Variants in SPOCK3 observed in about 807,000 individuals in gnomAD.
SPOCK3 encodes the protein SPARC (osteonectin), cwcv and kazal like domains proteoglycan 3.
In SPOCK3, 30 loss-of-function variants were observed where a neutral mutation model predicts 56.6. The ratio of observed to expected loss-of-function variants is 0.53; its 90% confidence interval spans 0.40 to 0.72. SPOCK3 has a LOEUF of 0.72. Among genes scored for constraint, SPOCK3 ranks in the 30% least tolerant of loss-of-function variants. The pLI is 0.00. For missense variants in SPOCK3, 527 were observed against 530.0 expected, an observed-to-expected ratio of 0.99 and a Z score of 0.06; for synonymous variants, 196 against 183.3, an observed-to-expected ratio of 1.07 and a Z score of -0.56.
intron 2 of SPOCK3, among the ~76,000 whole-genome samples, chr4:167,157,029 T>G (rs1764874714): frequency 6.6e-6 from 1 of 152,100 alleles, no homozygotes; most frequent in South Asian, 2.1e-4. Context: ...TTGCAAAATC[T>G]GTCAGTGCAT....
At position 166,875,574 on chromosome 4, in the gene SPOCK3, T is replaced by C. The variant is rs144337524; in HGVS notation, c.589+13556A>G. Among the ~76,000 whole-genome samples, 5 of 152,282 alleles carry C rather than the reference T, an allele frequency of 3.3e-5. No homozygotes were observed. The East Asian group carries it at 9.7e-4, about 29-fold the overall frequency. On this transcript the variant is annotated intron_variant, in intron 6 of 10. Transcript: ENST00000357545. ...ATTGAAGCTCCTAAAAAGTTTACCA[T>C]ACCCACACCCTCTTTAAGAAAATAT...
intron 4 of SPOCK3, among the ~76,000 whole-genome samples, chr4:166,930,978 C>T (rs1465054063): frequency 6.6e-6 from 1 of 152,062 alleles, no homozygotes; most frequent in African/African-American, 2.4e-5. Flanking sequence ...TTTGCCTACA[C>T]ACAGAAACAA....
chr4:167,052,340 G>C (rs1163667991), intron 3 of SPOCK3, among the ~76,000 whole-genome samples: 1 of 152,110 alleles, frequency 6.6e-6, no homozygotes, highest in Admixed American at 6.6e-5. Flanking sequence ...TTTCTTAGCA[G>C]GTTTTCCTCA....
At chr4:167,127,323 T>C (rs1049087053) in intron 2 of SPOCK3, among the ~76,000 whole-genome samples, 1 of 152,166 alleles carries the variant, frequency 6.6e-6, no homozygotes, top group Non-Finnish European at 1.5e-5. Context: ...CTTAGTTGTA[T>C]TGCCAAGACT....
At chr4:166,837,074 C>A (rs964219505) in intron 6 of SPOCK3, among the ~76,000 whole-genome samples, 2 of 152,204 alleles carry the variant, frequency 1.3e-5, no homozygotes, top group Non-Finnish European at 2.9e-5. Flanking sequence ...GACTGCCTCA[C>A]CATCTTTAAT....
intron 3 of SPOCK3, among the ~76,000 whole-genome samples, chr4:167,030,435 T>C (rs1752165383): frequency 6.6e-6 from 1 of 152,108 alleles, no homozygotes; most frequent in Non-Finnish European, 1.5e-5. Flanking sequence ...AAGCACAGGT[T>C]AATTTTAGCT....
intron 2 of SPOCK3, among the ~76,000 whole-genome samples, chr4:167,084,934 G>C (rs186384730): frequency 2.9e-3 from 440 of 152,152 alleles, no homozygotes; most frequent in African/African-American, 0.01. Context: ...AATTCAGTTT[G>C]ACAGTGGGAG....
At chr4:167,119,749 C>G (rs968150244) in intron 2 of SPOCK3, 2 of 1,292,994 alleles carry the variant, frequency 1.5e-6, no homozygotes. Context: ...GGGTACTCTG[C>G]TACCCACTAT....
At chr4:166,814,410 A>G (rs575431621) in intron 6 of SPOCK3, among the ~76,000 whole-genome samples, 21 of 152,118 alleles carry the variant, frequency 1.4e-4, no homozygotes, top group African/African-American at 4.6e-4. Flanking sequence ...TTGAATCAGT[A>G]GACTGGGAGA....
chr4:166,884,599 G>A (rs1355580362), intron 6 of SPOCK3, among the ~76,000 whole-genome samples: 2 of 151,946 alleles, frequency 1.3e-5, no homozygotes, highest in African/African-American at 4.8e-5. Flanking sequence ...TAATTTACTA[G>A]GATTCAGCAG....
intron 10 of SPOCK3, among the ~76,000 whole-genome samples, chr4:166,736,989 G>A (rs1734277793): frequency 6.6e-6 from 1 of 152,026 alleles, no homozygotes; most frequent in Non-Finnish European, 1.5e-5. Flanking sequence ...CAAGCACAAG[G>A]AAACATGCTC....
chr4:167,109,127 T>TATATTTATATAAATATATA (rs1253630622), intron 2 of SPOCK3, among the ~76,000 whole-genome samples: 1 of 694 alleles, frequency 1.4e-3, no homozygotes, highest in Non-Finnish European at 2.1e-3. Flanking sequence ...TATATAAATA[T>TATATTTATATAAATATATA]TATATATTTA....
chr4:167,232,928 C>A (rs764657396), intron 2 of SPOCK3, among the ~76,000 whole-genome samples: 1 of 152,146 alleles, frequency 6.6e-6, no homozygotes, highest in African/African-American at 2.4e-5. Context: ...TGAGTCGGAG[C>A]TGATGAAAGA....
chr4:166,754,984 CTATTA>C (rs1473412769), intron 7 of SPOCK3, among the ~76,000 whole-genome samples: 1 of 151,748 alleles, frequency 6.6e-6, no homozygotes, highest in Admixed American at 6.6e-5. Flanking sequence ...ATGGCAGTTA[CTATTA>C]TAATTATATA....
chr4:166,836,294 C>A (rs907004588), intron 6 of SPOCK3, among the ~76,000 whole-genome samples: 1 of 152,082 alleles, frequency 6.6e-6, no homozygotes, highest in Non-Finnish European at 1.5e-5. Flanking sequence ...AACAAAGATT[C>A]ATGTATTAAA....
intron 2 of SPOCK3, among the ~76,000 whole-genome samples, chr4:167,200,256 A>T (rs1278345492): frequency 6.6e-6 from 1 of 152,120 alleles, no homozygotes; most frequent in Non-Finnish European, 1.5e-5. Flanking sequence ...AGATATTTCT[A>T]TGTATTCAAA....
rs144233724 is a variant in SPOCK3 at position 166,856,160 on chromosome 4, G to GGGAGGA, written c.589+32964_589+32969dup. Among the ~76,000 whole-genome samples, 64 of 150,184 alleles carry GGGAGGA rather than the reference G, an allele frequency of 4.3e-4. No homozygotes were observed. In the East Asian group the frequency reaches 6.5e-3, roughly 15 times the overall value. ...GAAATGGTGGTTACCAGAGACTGAG[G>GGGAGGA]GGAGGAGGAGGAGGAGGAGGAGGAG... is the stretch of plus-strand genomic sequence containing the variant. On this transcript the variant is annotated intron_variant, in intron 6 of 10. Coordinates refer to ENST00000357545, the MANE Select transcript of SPOCK3 (RefSeq NM_001040159.2).
intron 7 of SPOCK3, among the ~76,000 whole-genome samples, chr4:166,760,987 C>G (rs1259056234): frequency 1.1e-4 from 2 of 18,576 alleles, no homozygotes; most frequent in African/African-American, 5.7e-4. Context: ...ATTTTCGCAA[C>G]CTACTCATCT....
intron 6 of SPOCK3, among the ~76,000 whole-genome samples, chr4:166,845,282 T>C (rs72697533): frequency 2.0e-5 from 3 of 152,114 alleles, no homozygotes; most frequent in Non-Finnish European, 4.4e-5. Context: ...AAAGAACAAT[T>C]GGTAAACCAA....
Sources: gnomAD v4.1 joint callset for allele counts (sites outside exome capture counted in the v4.1 genomes callset) on GRCh38, gnomAD v4.1.1 for gene constraint, MANE v1.5 for transcripts, NCBI Gene and HGNC (gene_info 2026-07-23, HGNC 2026-07-21) for gene names.